Variants in AREL1 observed in about 807,000 individuals in gnomAD.
AREL1 encodes apoptosis resistant E3 ubiquitin protein ligase 1.
In AREL1, 62 loss-of-function variants were observed where a neutral mutation model predicts 99.0. The ratio of observed to expected loss-of-function variants is 0.63; its 90% confidence interval spans 0.51 to 0.77. AREL1 has a LOEUF of 0.77. Ranked by LOEUF, AREL1 falls within the 30% of genes least tolerant of loss-of-function variation. The pLI is 0.00. For synonymous variants in AREL1, 380 were observed against 376.5 expected (o/e 1.01, Z -0.11); for missense variants, 879 against 1,027.6 (o/e 0.86, Z 1.98).
chr14:74,681,130 G>A (rs1163508903), intron 5 of AREL1, among the ~76,000 whole-genome samples: 1 of 152,110 alleles, frequency 6.6e-6, no homozygotes, highest in Non-Finnish European at 1.5e-5. Flanking sequence ...AGGCTACAGT[G>A]AGCCATGATC....
intron 15 of AREL1, among the ~76,000 whole-genome samples, chr14:74,668,300 C>A (rs10220473): frequency 0.02 from 3,008 of 152,238 alleles, 85 homozygotes; most frequent in African/African-American, 0.068. Context: ...AACCATCATC[C>A]AGGAATATTT....
At chr14:74,709,233 T>TC (rs1259634211) in intron 1 of AREL1, among the ~76,000 whole-genome samples, 2 of 152,092 alleles carry the variant, frequency 1.3e-5, no homozygotes, top group Non-Finnish European at 2.9e-5. Flanking sequence ...GGCCAGGAGT[T>TC]CAAGATCAGC....
chr14:74,676,343 T>C (rs991239131), intron 6 of AREL1, 22 bp from the exon 7 acceptor site: 1 of 1,610,728 alleles, frequency 6.2e-7, no homozygotes, highest in Non-Finnish European at 8.5e-7. Context: ...CAACAGAGCA[T>C]CACTTAACAT....
Position 74,661,642 on chromosome 14 carries a change from A to G in AREL1, c.*2078T>C, listed in dbSNP as rs1165781794. The G allele has an allele frequency of 5.3e-6, 1 of 188,340 alleles. No homozygotes were observed. Among genetic ancestry groups the G allele is most frequent in the Non-Finnish European group, 1.1e-5 (1 of 89,454 alleles). The allele number at this position is 188,340 out of a possible 1,614,324, so 11.7% of individuals were successfully genotyped here. On this transcript the variant is annotated 3_prime_UTR_variant, in exon 20 of 20. Coordinates refer to ENST00000356357, the MANE Select transcript of AREL1 (RefSeq NM_001039479.2). ...ACAAAACAGTAAAAGAAAAGGCCCA[A>G]GAGAGCAAAGATACTTTTGAATAGA... is the stretch of plus-strand genomic sequence containing the variant.
chr14:74,697,603 G>A (rs2090001996), intron 1 of AREL1, among the ~76,000 whole-genome samples: 1 of 152,106 alleles, frequency 6.6e-6, no homozygotes, highest in African/African-American at 2.4e-5. Context: ...TGCTATTGTG[G>A]TTTAGCCAAG....
intron 16 of AREL1, 29 bp from the exon 17 acceptor site, chr14:74,667,406 T>C (rs2089232629): frequency 1.2e-6 from 2 of 1,614,186 alleles, no homozygotes; most frequent in Non-Finnish European, 1.7e-6. Context: ...GTTAAAGTCA[T>C]ACCCACACCA....
chr14:74,707,329 T>C (rs1179921790), intron 1 of AREL1, among the ~76,000 whole-genome samples: 3 of 147,044 alleles, frequency 2.0e-5, no homozygotes, highest in East Asian at 2.1e-4. Context: ...AATGGTGCCA[T>C]TGCACTCCAG....
chr14:74,689,350 C>A (rs1038236651), intron 2 of AREL1, among the ~76,000 whole-genome samples: 4 of 151,992 alleles, frequency 2.6e-5, no homozygotes, highest in African/African-American at 9.7e-5. Context: ...CAAATTAGAT[C>A]CTTTACACTT....
At chr14:74,703,153 A>G (rs2090115627) in intron 1 of AREL1, among the ~76,000 whole-genome samples, 1 of 152,220 alleles carries the variant, frequency 6.6e-6, no homozygotes, top group African/African-American at 2.4e-5. Context: ...ACTGCTGATA[A>G]AGACATACTA....
chr14:74,678,953 A>T (rs8007113), intron 5 of AREL1, among the ~76,000 whole-genome samples: 38,727 of 151,994 alleles, frequency 0.25, 5,214 homozygotes, highest in South Asian at 0.35. Flanking sequence ...TGTAGTGGCA[A>T]GATCACAGCT....
chr14:74,701,224 T>TAAATGAAGGA (rs2090079360), intron 1 of AREL1, among the ~76,000 whole-genome samples: 1 of 152,022 alleles, frequency 6.6e-6, no homozygotes, highest in Admixed American at 6.6e-5. Flanking sequence ...GGAGCCTGGA[T>TAAATGAAGGA]AAATGAAGGA....
At position 74,662,844 on chromosome 14, in the gene AREL1, A is replaced by C. The variant is rs1206028937; in HGVS notation, c.*876T>G. The C allele has an allele frequency of 2.7e-6, 1 of 371,320 alleles. No individual in the cohort carries two copies. The highest frequency in any genetic ancestry group is 3.9e-5 in the East Asian group (1 of 25,788). 23.0% of individuals were successfully genotyped at this position (371,320 alleles called of 1,614,324 possible). A position where few individuals can be genotyped will look rare whatever the true frequency, so the allele number is the denominator to read the frequency against. On this transcript the variant is annotated 3_prime_UTR_variant, in exon 20 of 20. Transcript: ENST00000356357. ...GAATGCTAAAGGATCCCCAGCTTTT[A>C]GCAGACTACATAATGGGGAAGTCAG...
In AREL1 at chr14:74,672,948, G is replaced by C. The variant is rs1286401530; in HGVS notation, c.1305C>G (p.Gly435=). The C allele has an allele frequency of 6.2e-7, 1 of 1,614,036 alleles. No homozygotes were observed. The change falls in exon 11 of 20, where the codon GGC becomes GGG. Residue 435 remains glycine (G), a synonymous_variant. Transcript: ENST00000356357. ...FIRSLHKNIG[G]SETFQDKVNF... ...TCACCTTGTCCTGAAAGGTCTCAGA[G>C]CCTCCTGGGGAACAGCAAGATCCAT...
chr14:74,712,081 AGAAAG>A (rs2090320895), intron 1 of AREL1: 3 of 88,686 alleles, frequency 3.4e-5, no homozygotes, highest in Non-Finnish European at 8.4e-5. Context: ...AAAAAAAGAA[AGAAAG>A]AAAGAAAGAA....
intron 5 of AREL1, 121 bp from the exon 6 acceptor site, chr14:74,676,873 T>C (rs1332719850): frequency 1.3e-5 from 10 of 765,300 alleles, no homozygotes; most frequent in Non-Finnish European, 1.8e-5. Context: ...CTCGGCTCAC[T>C]GCAAGCTCTG....
At chr14:74,666,947 T>C (rs1468840829) in intron 17 of AREL1, among the ~76,000 whole-genome samples, 1 of 152,126 alleles carries the variant, frequency 6.6e-6, no homozygotes, top group Non-Finnish European at 1.5e-5. Context: ...CTCGAACTCC[T>C]GACCTCAGGT....
At chr14:74,684,150 T>C (rs902608492) in intron 4 of AREL1, among the ~76,000 whole-genome samples, 2 of 152,156 alleles carry the variant, frequency 1.3e-5, no homozygotes, top group Admixed American at 6.5e-5. Context: ...CCAAGACAAA[T>C]GTATTTAAAG....
intron 11 of AREL1, chr14:74,672,113 A>G (rs183590496): frequency 7.6e-4 from 291 of 383,440 alleles, no homozygotes; most frequent in African/African-American, 5.7e-3. Flanking sequence ...GACAACAAAA[A>G]TCATTTCCTT....
At chr14:74,672,141 C>G (rs2089362502) in intron 11 of AREL1, 15 of 348,574 alleles carry the variant, frequency 4.3e-5, no homozygotes, top group South Asian at 3.1e-4. Flanking sequence ...AACAAGCGCT[C>G]TATTCCAGGG....
Sources: gnomAD v4.1 joint callset for allele counts (sites outside exome capture counted in the v4.1 genomes callset) on GRCh38, gnomAD v4.1.1 for gene constraint, MANE v1.5 for transcripts, NCBI Gene and HGNC (gene_info 2026-07-23, HGNC 2026-07-21) for gene names.